The following SCN9A variants were observed in gnomAD, a reference collection of about 807,000 sequenced individuals.
SCN9A encodes the protein sodium channel protein type 9 subunit alpha.
A neutral mutation model predicts 187.0 loss-of-function variants in SCN9A; 131 were observed. The observed-to-expected ratio is 0.70, with a 90% confidence interval of 0.61 to 0.81. SCN9A has a LOEUF of 0.81. Ranked by LOEUF, SCN9A falls within the 30% of genes least tolerant of loss-of-function variation. SCN9A has a pLI of 0.00. For synonymous variants in SCN9A, 809 were observed against 808.6 expected, an observed-to-expected ratio of 1.00 and a Z score of -0.01; for missense variants, 2,252 against 2,396.6, an observed-to-expected ratio of 0.94 and a Z score of 1.26.
chr2:166,372,707 G>T (rs996276136), intron 1 of SCN9A, among the ~76,000 whole-genome samples: 3 of 152,006 alleles, frequency 2.0e-5, no homozygotes, highest in African/African-American at 7.2e-5. Flanking sequence ...AATACTAAAT[G>T]CTTGACAAAT....
At position 166,297,196 on chromosome 2, in the gene SCN9A, C is replaced by CAAAAAAAAAAAAAAAAAAAAAAAA. The variant is rs71031236; in HGVS notation, c.902-2558_902-2535dup. On this transcript the variant is annotated intron_variant, in intron 7 of 26. Transcript: ENST00000642356. ...TAGGCGACAGAGTGAGACTCCATCT[C>CAAAAAAAAAAAAAAAAAAAAAAAA]AAAAAAAAAAAAAAAAAAAAAAAAA... Among the ~76,000 whole-genome samples the CAAAAAAAAAAAAAAAAAAAAAAAA allele has an allele frequency of 6.1e-4, 20 of 32,902 alleles. 2 individuals are homozygous for CAAAAAAAAAAAAAAAAAAAAAAAA. The highest frequency in any genetic ancestry group is 7.9e-4 in the African/African-American group (8 of 10,162). The allele number at this position is 32,902 out of a possible 152,430, so 21.6% of individuals were successfully genotyped here. A position where few individuals can be genotyped will look rare whatever the true frequency, so the allele number is the denominator to read the frequency against.
chr2:166,254,503 G>A (rs1262069244), intron 17 of SCN9A, among the ~76,000 whole-genome samples: 2 of 150,558 alleles, frequency 1.3e-5, no homozygotes, highest in Non-Finnish European at 3.0e-5. Context: ...TTTTTCCTGC[G>A]GTGAAATATA....
intron 18 of SCN9A, among the ~76,000 whole-genome samples, chr2:166,250,863 C>T (rs1017749966): frequency 1.3e-5 from 2 of 152,058 alleles, no homozygotes; most frequent in Admixed American, 1.3e-4. Context: ...CTCCAGAGTT[C>T]CTGATGAACT....
intron 10 of SCN9A, among the ~76,000 whole-genome samples, chr2:166,287,108 A>G (rs2106488855): frequency 6.6e-6 from 1 of 152,290 alleles, no homozygotes; most frequent in South Asian, 2.1e-4. Flanking sequence ...TATTGGCCTA[A>G]ATGAAACTTC....
intron 6 of SCN9A, 77 bp from the exon 7 acceptor site, chr2:166,303,379 A>C: frequency 8.6e-7 from 1 of 1,168,610 alleles, no homozygotes; most frequent in Non-Finnish European, 1.2e-6. Flanking sequence ...CTTTCCTAGA[A>C]AGTCATGCAT....
chr2:166,278,185 A>G lies in SCN9A; in HGVS notation c.2472T>C (p.Phe824=), dbSNP rs1046136125. ...LIVTLSLVEL[F]LADVEGLSVL... The stretch of plus-strand genomic sequence containing the variant: ...CTGACAATCCTTCCACATCTGCTAG[A>G]AAGAGCTCCACTAAACTTAAAGTCA... Residue 824 remains phenylalanine, a synonymous_variant, in exon 15 of 27, where the codon TTT becomes TTC. Coordinates refer to ENST00000642356, the MANE Select transcript of SCN9A (RefSeq NM_001365536.1). 6.2e-7 allele frequency: 1 copy of G among 1,613,300 alleles called. No individual in the cohort carries two copies. Among genetic ancestry groups the G allele is most frequent in the African/African-American group, 1.3e-5 (1 of 75,014 alleles).
chr2:166,274,765 C>G (rs1175505487), intron 16 of SCN9A, among the ~76,000 whole-genome samples: 2 of 152,144 alleles, frequency 1.3e-5, no homozygotes, highest in Non-Finnish European at 2.9e-5. Context: ...CTGTTTTTTA[C>G]TATAAATCTA....
Position 166,294,676 on chromosome 2 carries a change from A to G in SCN9A, c.902-14T>C. 1 of 1,575,030 alleles carries G rather than the reference A, an allele frequency of 6.3e-7. No homozygotes were observed. The highest frequency in any genetic ancestry group is 2.2e-5 in the East Asian group (1 of 44,484). ...AATAAAAATATTCTGTTGAAGAAGA[A>G]TTTGAACAGTTATAACATCACAGAC... On this transcript the variant is annotated splice_polypyrimidine_tract_variant and intron_variant, in intron 7 of 26. Transcript: ENST00000642356.
chr2:166,369,975 T>G (rs1371402363), intron 1 of SCN9A, among the ~76,000 whole-genome samples: 1 of 152,082 alleles, frequency 6.6e-6, no homozygotes, highest in Non-Finnish European at 1.5e-5. Context: ...TGACATAATA[T>G]TTTATTATCA....
chr2:166,248,961 A>G (rs1248451939), intron 18 of SCN9A, among the ~76,000 whole-genome samples: 1 of 151,900 alleles, frequency 6.6e-6, no homozygotes, highest in South Asian at 2.1e-4. Context: ...GAGCCACTTC[A>G]CCCAGCCTCT....
Position 166,303,135 on chromosome 2 carries a change from A to T in SCN9A, c.856T>A (p.Leu286Ile), listed in dbSNP as rs754977237. Residue 286 changes from leucine to isoleucine, a missense_variant, in exon 7 of 27, where the codon TTA (leucine) becomes ATA (isoleucine). By Grantham distance (5) the Leu-to-Ile change is conservative. Coordinates refer to ENST00000642356, the MANE Select transcript of SCN9A (RefSeq NM_001365536.1). ...TCTAGGGTATTCATTATGCTTTCTA[A>T]TGTTTCATTATTTTCAAGTGAATTT... ...FRNSLENNET[L>I]ESIMNTLESE... The T allele has an allele frequency of 9.3e-6, 15 of 1,610,034 alleles. 1 individual carries two copies. In the Admixed American group the frequency reaches 1.3e-4, roughly 14 times the overall value.
Position 166,201,478 on chromosome 2 carries a change from CGT to C in SCN9A, c.4775-1616_4775-1615del, listed in dbSNP as rs1693522398. 1.3e-4 allele frequency among the ~76,000 whole-genome samples: 15 copies of C among 111,570 alleles called. 1 individual carries two copies. The highest frequency in any genetic ancestry group is 1.3e-3 in the Admixed American group (14 of 10,672). 73.2% of individuals were successfully genotyped at this position (111,570 alleles called of 152,430 possible). On this transcript the variant is annotated intron_variant, in intron 26 of 26. Coordinates refer to ENST00000642356, the MANE Select transcript of SCN9A (RefSeq NM_001365536.1). ...TACTATATATATAGTATAGAGTATG[CGT>C]ATACTATATATATAGTATAGAGTAT...
chr2:166,228,924 G>A lies in SCN9A; in HGVS notation c.3973C>T (p.Leu1325=), dbSNP rs762127822. ...AGCCAGAATATAAGACACACAAGTA[G>A]CACATTCATGATGGAAGGAATTGCT... The part of the protein sequence containing the change: ...IGAIPSIMNV[L]LVCLIFWLIF... The change falls in exon 22 of 27, where the codon CTA becomes TTA. Residue 1325 remains leucine (L), a synonymous_variant. Coordinates refer to ENST00000642356, the MANE Select transcript of SCN9A (RefSeq NM_001365536.1). 1 of 1,613,648 alleles carries A rather than the reference G, an allele frequency of 6.2e-7. No individual in the cohort carries two copies. The highest frequency in any genetic ancestry group is 8.5e-7 in the Non-Finnish European group (1 of 1,179,592).
At chr2:166,251,735 T>G (rs766328917) in intron 18 of SCN9A, 30 bp downstream of exon 18, 3 of 1,611,676 alleles carry the variant, frequency 1.9e-6, no homozygotes, top group Non-Finnish European at 2.5e-6. Flanking sequence ...AATTAAGGAA[T>G]GCTAACCAAG....
chr2:166,231,714 G>A (rs1303808107), intron 21 of SCN9A, among the ~76,000 whole-genome samples: 1 of 151,692 alleles, frequency 6.6e-6, no homozygotes, highest in Non-Finnish European at 1.5e-5. Context: ...ACTATGCCCG[G>A]GTAATTTTTT....
intron 1 of SCN9A, among the ~76,000 whole-genome samples, chr2:166,330,927 C>A (rs1170984161): frequency 6.6e-6 from 1 of 152,054 alleles, no homozygotes; most frequent in Non-Finnish European, 1.5e-5. Context: ...CCTGATCTAA[C>A]CCACTGTGGC....
chr2:166,293,516 C>T, intron 8 of SCN9A, 144 bp from the exon 9 acceptor site: 1 of 667,228 alleles, frequency 1.5e-6, no homozygotes. Context: ...TGGCTACTGA[C>T]TACTTAGTGA....
chr2:166,316,190 T>TA (rs1362354077), intron 1 of SCN9A, among the ~76,000 whole-genome samples: 2 of 152,090 alleles, frequency 1.3e-5, no homozygotes, highest in Non-Finnish European at 2.9e-5. Flanking sequence ...TAAAATTTAG[T>TA]AAAAAACATA....
At chr2:166,272,897 G>C (rs751570350) in intron 16 of SCN9A, 22 bp from the exon 17 acceptor site, 1 of 1,173,150 alleles carries the variant, frequency 8.5e-7, no homozygotes, top group Non-Finnish European at 1.2e-6. Flanking sequence ...TGGGGAGAGG[G>C]GGTAGAGAAA....
Sources: gnomAD v4.1 joint callset for allele counts (sites outside exome capture counted in the v4.1 genomes callset) on GRCh38, gnomAD v4.1.1 for gene constraint, MANE v1.5 for transcripts, NCBI Gene and HGNC (gene_info 2026-07-23, HGNC 2026-07-21) for gene names.